The following MPP7 variants were observed in gnomAD, a reference collection of about 807,000 sequenced individuals.
The protein encoded by MPP7 is MAGUK p55 scaffold protein 7, also known as MAGUK p55 subfamily member 7.
Under a neutral mutation model 76.5 loss-of-function variants are expected in MPP7, and 60 were observed. That is an observed-to-expected ratio of 0.78 (90% CI 0.64 to 0.97). The LOEUF is 0.97. MPP7 is among the 50% of genes least tolerant of loss of function. The pLI is 0.00. For missense variants in MPP7, 641 were observed against 694.0 expected (o/e 0.92, Z 0.86); for synonymous variants, 237 against 244.5 (o/e 0.97, Z 0.29).
At chr10:28,230,271 TAA>T (rs901016998) in intron 2 of MPP7, among the ~76,000 whole-genome samples, 8 of 152,104 alleles carry the variant, frequency 5.3e-5, no homozygotes, top group African/African-American at 1.7e-4. Context: ...TTTTAAATTT[TAA>T]AAGTCAGTCA....
chr10:28,127,770 T>C (rs1835065983), intron 6 of MPP7, among the ~76,000 whole-genome samples: 1 of 151,748 alleles, frequency 6.6e-6, no homozygotes. Context: ...GTAAACACTG[T>C]GGGGGTGTGA....
At chr10:28,223,306 T>C (rs1274953318) in intron 2 of MPP7, among the ~76,000 whole-genome samples, 1 of 152,202 alleles carries the variant, frequency 6.6e-6, no homozygotes, top group Non-Finnish European at 1.5e-5. Flanking sequence ...GCTCGAATCT[T>C]CTGAGGAAAC....
At chr10:28,285,623 T>G (rs1375861552) in intron 1 of MPP7, among the ~76,000 whole-genome samples, 2 of 152,224 alleles carry the variant, frequency 1.3e-5, no homozygotes, top group African/African-American at 2.4e-5. Flanking sequence ...ATAATGGATC[T>G]AGGCAATGGT....
intron 12 of MPP7, among the ~76,000 whole-genome samples, chr10:28,070,498 T>C (rs147926218): frequency 6.6e-6 from 1 of 152,324 alleles, no homozygotes; most frequent in East Asian, 1.9e-4. Context: ...ATAGTGAAAA[T>C]GTCAATTTTA....
At chr10:28,152,560 C>T (rs994128850) in intron 3 of MPP7, among the ~76,000 whole-genome samples, 15 of 152,186 alleles carry the variant, frequency 9.9e-5, no homozygotes, top group Non-Finnish European at 1.5e-4. Flanking sequence ...GTTTTATAGC[C>T]GTTTGCCCAA....
chr10:28,202,039 C>T (rs538303321), intron 3 of MPP7, 114 bp downstream of exon 3: 5 of 747,640 alleles, frequency 6.7e-6, no homozygotes, highest in Non-Finnish European at 1.2e-5. Context: ...GTGAATGGAA[C>T]AAGGCTGTTT....
intron 1 of MPP7, among the ~76,000 whole-genome samples, chr10:28,283,432 C>G (rs1840725074): frequency 6.6e-6 from 1 of 152,058 alleles, no homozygotes; most frequent in Non-Finnish European, 1.5e-5. Flanking sequence ...CATAACACAG[C>G]ACCTGGCATA....
intron 3 of MPP7, among the ~76,000 whole-genome samples, chr10:28,199,794 G>A (rs570669392): frequency 6.6e-6 from 1 of 151,824 alleles, no homozygotes; most frequent in African/African-American, 2.4e-5. Context: ...TTTTTTGAGA[G>A]AGAGGGTCTT....
chr10:28,184,569 C>T (rs543003184), intron 3 of MPP7, among the ~76,000 whole-genome samples: 3 of 148,886 alleles, frequency 2.0e-5, no homozygotes, highest in Non-Finnish European at 3.0e-5. Flanking sequence ...ATTATCTGGG[C>T]GTTGTAGGGG....
At chr10:28,156,024 T>C (rs1445085264) in intron 3 of MPP7, among the ~76,000 whole-genome samples, 5 of 152,150 alleles carry the variant, frequency 3.3e-5, no homozygotes, top group African/African-American at 9.7e-5. Context: ...GTTATCTCCA[T>C]AGAGAAAAGG....
intron 2 of MPP7, among the ~76,000 whole-genome samples, chr10:28,226,690 A>G (rs1838703109): frequency 6.6e-6 from 1 of 152,198 alleles, no homozygotes; most frequent in South Asian, 2.1e-4. Context: ...AAAATGGCAA[A>G]TTTTATATCA....
At chr10:28,165,750 C>T (rs902198900) in intron 3 of MPP7, among the ~76,000 whole-genome samples, 6 of 151,980 alleles carry the variant, frequency 3.9e-5, no homozygotes, top group Non-Finnish European at 2.9e-5. Flanking sequence ...CCTGGCCAGG[C>T]GTGGTGGCTC....
chr10:28,325,673 T>C (rs549638177), intron 2 of MPP7, among the ~76,000 whole-genome samples: 57 of 151,862 alleles, frequency 3.8e-4, no homozygotes, highest in Non-Finnish European at 7.6e-4. Flanking sequence ...TTTGTATTTT[T>C]AGTAGAGAGG....
intron 3 of MPP7, among the ~76,000 whole-genome samples, chr10:28,182,849 G>A (rs566070485): frequency 6.6e-5 from 10 of 152,324 alleles, no homozygotes; most frequent in African/African-American, 1.4e-4. Context: ...AGGCCAAGGC[G>A]GGTGGATCAC....
intron 3 of MPP7, among the ~76,000 whole-genome samples, chr10:28,161,852 T>C (rs764055630): frequency 6.6e-6 from 1 of 152,152 alleles, no homozygotes. Flanking sequence ...AGAAAGGAAA[T>C]TGTAAAAATT....
At chr10:28,214,766 T>C (rs559677014) in intron 2 of MPP7, among the ~76,000 whole-genome samples, 4 of 152,174 alleles carry the variant, frequency 2.6e-5, no homozygotes, top group Non-Finnish European at 5.9e-5. Context: ...GAAGCAAAAC[T>C]GATAATAGCC....
chr10:28,119,915 C>CA (rs1409211750), intron 10 of MPP7, among the ~76,000 whole-genome samples, 200 bp from the exon 11 acceptor site: 1 of 149,162 alleles, frequency 6.7e-6, no homozygotes, highest in African/African-American at 2.5e-5. Context: ...AACCACTGGT[C>CA]TTTTTTTTTT....
At chr10:28,139,177 C>T (rs1288152976) in intron 5 of MPP7, among the ~76,000 whole-genome samples, 1 of 152,198 alleles carries the variant, frequency 6.6e-6, no homozygotes. Context: ...CTCCTACCAC[C>T]CTTTGTATTT....
At chr10:28,187,338 CT>C (rs2133932530) in intron 3 of MPP7, among the ~76,000 whole-genome samples, 1 of 152,312 alleles carries the variant, frequency 6.6e-6, no homozygotes, top group South Asian at 2.1e-4. Context: ...CTTCAGCAGA[CT>C]TTACATGTTT....
Sources: allele counts gnomAD v4.1 joint callset (sites outside exome capture counted in the v4.1 genomes callset), GRCh38; gene constraint gnomAD v4.1.1; transcripts MANE v1.5; gene names NCBI Gene and HGNC (gene_info 2026-07-23, HGNC 2026-07-21).